The following ERC2 variants were observed in gnomAD, a reference collection of about 807,000 sequenced individuals.
The protein encoded by ERC2 is ERC protein 2.
Under a neutral mutation model 114.8 loss-of-function variants are expected in ERC2, and 42 were observed. The ratio of observed to expected loss-of-function variants is 0.37; its 90% CI spans 0.29 to 0.47. ERC2 has a LOEUF of 0.47. Among genes scored for constraint, ERC2 ranks in the 20% least tolerant of loss-of-function variants. The pLI is 0.99. For missense variants in ERC2, 939 were observed against 1,150.7 expected, an observed-to-expected ratio of 0.82 and a Z score of 2.66; for synonymous variants, 454 against 425.5, an observed-to-expected ratio of 1.07 and a Z score of -0.82.
chr3:55,620,432 G>A (rs1379694065), intron 17 of ERC2, among the ~76,000 whole-genome samples: 1 of 152,114 alleles, frequency 6.6e-6, no homozygotes, highest in African/African-American at 2.4e-5. Context: ...AGAAAATGAG[G>A]TGTCTCATCA....
chr3:55,834,239 T>G (rs891731144), intron 14 of ERC2, among the ~76,000 whole-genome samples: 1 of 152,176 alleles, frequency 6.6e-6, no homozygotes, highest in African/African-American at 2.4e-5. Context: ...GGAATTGAAC[T>G]CAGCTCTGCA....
intron 2 of ERC2, among the ~76,000 whole-genome samples, chr3:56,398,815 T>G (rs535585059): frequency 1.2e-3 from 189 of 152,252 alleles, no homozygotes; most frequent in African/African-American, 4.3e-3. Flanking sequence ...GACAGGATCT[T>G]GCTATGCTGC....
intron 4 of ERC2, among the ~76,000 whole-genome samples, chr3:56,160,409 T>G (rs2081983139): frequency 6.6e-6 from 1 of 152,198 alleles, no homozygotes; most frequent in South Asian, 2.1e-4. Flanking sequence ...GCAAATATTT[T>G]CTCCCATTCT....
chr3:55,952,167 ACACACACACACACT>A lies in ERC2; in HGVS notation c.2268-1621_2268-1608del, dbSNP rs1484631699. ...CACACACACACACACACACACACAC[ACACACACACACACT>A]CTCTCTCTCTCTCTCTCTATATATA... On this transcript the variant is annotated intron_variant, in intron 12 of 17. Transcript: ENST00000288221. Among the ~76,000 whole-genome samples the A allele has an allele frequency of 4.5e-4, 31 of 68,474 alleles. 1 individual carries two copies. The highest frequency in any genetic ancestry group is 1.3e-3 in the African/African-American group (27 of 20,302). 44.9% of individuals were successfully genotyped at this position (68,474 alleles called of 152,430 possible).
intron 17 of ERC2, among the ~76,000 whole-genome samples, chr3:55,534,998 A>C (rs564173840): frequency 6.6e-6 from 1 of 152,368 alleles, no homozygotes; most frequent in African/African-American, 2.4e-5. Flanking sequence ...TGAAACAGCC[A>C]GGGACACAAG....
chr3:56,431,288 AC>A (rs1166794272), intron 2 of ERC2, among the ~76,000 whole-genome samples: 1 of 152,188 alleles, frequency 6.6e-6, no homozygotes, highest in Non-Finnish European at 1.5e-5. Flanking sequence ...GTAGTAATCC[AC>A]CATATATGTG....
chr3:56,252,802 A>G (rs2052262509), intron 3 of ERC2, among the ~76,000 whole-genome samples: 1 of 150,462 alleles, frequency 6.6e-6, no homozygotes, highest in African/African-American at 2.5e-5. Context: ...TGCCCAACTG[A>G]AGAAAATATT....
intron 4 of ERC2, among the ~76,000 whole-genome samples, chr3:56,165,300 G>A (rs557999895): frequency 3.0e-4 from 46 of 151,874 alleles, no homozygotes; most frequent in Middle Eastern, 3.4e-3. Flanking sequence ...ATTCATTTAC[G>A]CTATTGCATA....
chr3:56,062,122 GC>G (rs1226388440), intron 7 of ERC2, among the ~76,000 whole-genome samples: 2 of 152,114 alleles, frequency 1.3e-5, no homozygotes, highest in African/African-American at 4.8e-5. Context: ...ATTTTTAAAA[GC>G]CTAATTTGAT....
At chr3:55,802,090 T>A (rs2071103913) in intron 14 of ERC2, among the ~76,000 whole-genome samples, 1 of 152,244 alleles carries the variant, frequency 6.6e-6, no homozygotes, top group Non-Finnish European at 1.5e-5. Context: ...CCAATGTATT[T>A]AGAGCTTAAG....
chr3:55,878,583 T>C (rs1299661357), intron 14 of ERC2, among the ~76,000 whole-genome samples: 2 of 152,220 alleles, frequency 1.3e-5, no homozygotes, highest in African/African-American at 4.8e-5. Context: ...CTGTGAACTA[T>C]AGTGTCAAAC....
At chr3:56,249,483 G>T (rs963884571) in intron 3 of ERC2, among the ~76,000 whole-genome samples, 3 of 151,128 alleles carry the variant, frequency 2.0e-5, no homozygotes, top group Non-Finnish European at 3.0e-5. Context: ...CCGCCACCAC[G>T]CCCAGCTAAT....
intron 17 of ERC2, among the ~76,000 whole-genome samples, chr3:55,654,668 A>G (rs2060781242): frequency 6.6e-6 from 1 of 152,200 alleles, no homozygotes; most frequent in African/African-American, 2.4e-5. Flanking sequence ...ACATTCCTGC[A>G]AGGAGCTCAC....
chr3:56,445,656 G>A (rs1454408957), intron 1 of ERC2, among the ~76,000 whole-genome samples: 2 of 152,138 alleles, frequency 1.3e-5, no homozygotes, highest in Non-Finnish European at 2.9e-5. Context: ...TCTGAGTACA[G>A]CCAACAGCCC....
chr3:55,721,467 G>A (rs1326379944), intron 15 of ERC2, among the ~76,000 whole-genome samples: 1 of 152,252 alleles, frequency 6.6e-6, no homozygotes, highest in Non-Finnish European at 1.5e-5. Flanking sequence ...AACGTACTAT[G>A]TGTGAATGCA....
chr3:56,318,028 C>T (rs567991420), intron 2 of ERC2, among the ~76,000 whole-genome samples: 1 of 152,336 alleles, frequency 6.6e-6, no homozygotes, highest in Admixed American at 6.5e-5. Context: ...CTCTGTTTCT[C>T]ATTGTTATAG....
At chr3:56,236,447 G>A (rs2050952733) in intron 3 of ERC2, among the ~76,000 whole-genome samples, 1 of 152,162 alleles carries the variant, frequency 6.6e-6, no homozygotes, top group Non-Finnish European at 1.5e-5. Context: ...TGCTCTTCTT[G>A]AGTGGATTTC....
intron 3 of ERC2, among the ~76,000 whole-genome samples, chr3:56,196,481 C>A (rs1401979342): frequency 2.0e-5 from 3 of 147,820 alleles, no homozygotes; most frequent in Non-Finnish European, 4.5e-5. Context: ...GGACAGATGA[C>A]TTTCTTGCCT....
intron 4 of ERC2, among the ~76,000 whole-genome samples, chr3:56,154,048 A>G (rs553586543): frequency 3.3e-4 from 50 of 152,342 alleles, no homozygotes; most frequent in African/African-American, 1.2e-3. Flanking sequence ...ACTGGATACC[A>G]CAGAGGCTCT....
Sources: allele counts gnomAD v4.1 joint callset (sites outside exome capture counted in the v4.1 genomes callset), GRCh38; gene constraint gnomAD v4.1.1; transcripts MANE v1.5; gene names NCBI Gene and HGNC (gene_info 2026-07-23, HGNC 2026-07-21).